Variants in SGCZ observed in about 807,000 individuals in gnomAD.
The protein encoded by SGCZ is zeta-sarcoglycan.
SGCZ carries 40 observed loss-of-function variants against 41.3 expected under a neutral mutation model. That is an observed-to-expected ratio of 0.97 (90% CI 0.75 to 1.26). SGCZ has a LOEUF of 1.26. Ranked by LOEUF, SGCZ falls within the 50% of genes most tolerant of loss-of-function variation. The probability of loss-of-function intolerance (pLI) is 0.00; values close to 1 mark genes in which losing one functional copy is unlikely to be tolerated. For synonymous variants in SGCZ, 206 were observed against 137.5 expected, an observed-to-expected ratio of 1.50 and a Z score of -3.49; for missense variants, 552 against 369.8, an observed-to-expected ratio of 1.49 and a Z score of -4.04.
At chr8:14,606,019 G>A (rs182826809) in intron 1 of SGCZ, among the ~76,000 whole-genome samples, 3 of 151,852 alleles carry the variant, frequency 2.0e-5, no homozygotes, top group Admixed American at 2.0e-4. Flanking sequence ...CTTTCTCTAT[G>A]TAAGCACCAT....
intron 1 of SGCZ, among the ~76,000 whole-genome samples, chr8:14,695,073 A>G (rs1333705751): frequency 6.6e-6 from 1 of 152,200 alleles, no homozygotes; most frequent in Non-Finnish European, 1.5e-5. Context: ...CCTGAAAAGC[A>G]AAGTGACTAA....
intron 2 of SGCZ, among the ~76,000 whole-genome samples, chr8:14,463,915 T>G (rs982657285): frequency 1.4e-5 from 2 of 144,176 alleles, no homozygotes; most frequent in Non-Finnish European, 3.0e-5. Flanking sequence ...TTAGGTGGTG[T>G]GTTACCTTGA....
At chr8:14,204,684 G>A (rs1296691298) in intron 4 of SGCZ, among the ~76,000 whole-genome samples, 4 of 152,058 alleles carry the variant, frequency 2.6e-5, no homozygotes, top group East Asian at 1.9e-4. Context: ...AGCGGCGCTG[G>A]GTAGAACAAA....
intron 2 of SGCZ, among the ~76,000 whole-genome samples, chr8:14,446,708 G>A (rs1404200319): frequency 6.6e-6 from 1 of 152,114 alleles, no homozygotes; most frequent in Non-Finnish European, 1.5e-5. Context: ...GAAGATAAAA[G>A]CTCACCTTTC....
chr8:14,796,552 G>T (rs538505192), intron 1 of SGCZ, among the ~76,000 whole-genome samples: 4 of 151,832 alleles, frequency 2.6e-5, no homozygotes, highest in Non-Finnish European at 5.9e-5. Context: ...TAAATATTGT[G>T]TGTCTTATGA....
intron 3 of SGCZ, chr8:14,309,197 C>T: frequency 1.3e-6 from 2 of 1,484,764 alleles, no homozygotes; most frequent in Non-Finnish European, 1.9e-6. Flanking sequence ...AGCAAACCTG[C>T]TGCGGCTGAT....
intron 1 of SGCZ, among the ~76,000 whole-genome samples, chr8:15,108,825 A>G (rs1346283689): frequency 6.6e-6 from 1 of 152,164 alleles, no homozygotes; most frequent in Non-Finnish European, 1.5e-5. Flanking sequence ...TAAATACTTA[A>G]TGGAATATAT....
intron 2 of SGCZ, among the ~76,000 whole-genome samples, chr8:14,380,669 T>C (rs115480132): frequency 0.014 from 2,135 of 152,212 alleles, 48 homozygotes; most frequent in African/African-American, 0.047. Flanking sequence ...CTGGCCAACA[T>C]GGTGAATCCC....
At chr8:15,125,279 T>C (rs1807638637) in intron 1 of SGCZ, among the ~76,000 whole-genome samples, 1 of 152,216 alleles carries the variant, frequency 6.6e-6, no homozygotes, top group African/African-American at 2.4e-5. Context: ...TCTCAAAGCA[T>C]TGATTTCTCT....
chr8:14,946,004 CCATATATATATATATATA>C (rs1180524366), intron 1 of SGCZ, among the ~76,000 whole-genome samples: 2 of 45,760 alleles, frequency 4.4e-5, no homozygotes, highest in African/African-American at 1.8e-4. Flanking sequence ...CTAAATGTCC[CCATATATATATATATATA>C]TATATATATA....
At chr8:14,884,020 G>A (rs1283449791) in intron 1 of SGCZ, among the ~76,000 whole-genome samples, 3 of 151,988 alleles carry the variant, frequency 2.0e-5, no homozygotes, top group Admixed American at 6.6e-5. Flanking sequence ...TTGTAATGGA[G>A]CCAACCATTT....
intron 1 of SGCZ, among the ~76,000 whole-genome samples, chr8:15,010,104 G>C (rs1802773433): frequency 6.6e-6 from 1 of 152,006 alleles, no homozygotes; most frequent in African/African-American, 2.4e-5. Flanking sequence ...CCTAGCAACA[G>C]GAATAATGTT....
intron 1 of SGCZ, among the ~76,000 whole-genome samples, chr8:15,203,124 C>A (rs554134665): frequency 1.8e-4 from 27 of 150,120 alleles, no homozygotes; most frequent in South Asian, 4.2e-4. Flanking sequence ...AACAAACAAA[C>A]AAAAAAAAAC....
chr8:14,953,839 G>C lies in SGCZ; in HGVS notation c.39+283746C>G, dbSNP rs561609679. Among the ~76,000 whole-genome samples the C allele has an allele frequency of 5.3e-5, 8 of 152,304 alleles. No individual in the cohort carries two copies. In the South Asian group the frequency reaches 1.0e-3, roughly 20 times the overall value. ...TACACTATTATGATTACTTCAGAGA[G>C]TTCAGTTCTATAATTCTTGTAAACA... On this transcript the variant is annotated intron_variant, in intron 1 of 7. Coordinates refer to ENST00000382080, the MANE Select transcript of SGCZ (RefSeq NM_139167.4).
At chr8:15,002,557 C>T (rs903555160) in intron 1 of SGCZ, among the ~76,000 whole-genome samples, 4 of 151,750 alleles carry the variant, frequency 2.6e-5, no homozygotes, top group Admixed American at 1.3e-4. Context: ...GTAGGTAGCA[C>T]GAAACACAAT....
In SGCZ at chr8:14,764,972, T is replaced by C. The variant is rs369626845; in HGVS notation, c.40-210046A>G. Among the ~76,000 whole-genome samples, 8 of 152,326 alleles carry C rather than the reference T, an allele frequency of 5.3e-5. No individual in the cohort carries two copies. The East Asian group carries it at 7.7e-4, about 15-fold the overall frequency. The stretch of plus-strand genomic sequence containing the variant: ...AACTGGTAAAGGGTGACTGTTGTAC[T>C]ATTCTTTTAACTTTCGTAGAGCTTT... On this transcript the variant is annotated intron_variant, in intron 1 of 7. Transcript: ENST00000382080.
intron 4 of SGCZ, among the ~76,000 whole-genome samples, chr8:14,214,984 G>C (rs995617197): frequency 6.6e-6 from 1 of 152,086 alleles, no homozygotes; most frequent in Non-Finnish European, 1.5e-5. Context: ...TAGCAAGACA[G>C]AGAAATACTG....
At chr8:14,249,101 T>C (rs1799200720) in intron 3 of SGCZ, among the ~76,000 whole-genome samples, 1 of 152,156 alleles carries the variant, frequency 6.6e-6, no homozygotes, top group Non-Finnish European at 1.5e-5. Context: ...CTCAATGAGA[T>C]GAACATTTGA....
chr8:15,088,913 A>G (rs765154910), intron 1 of SGCZ, among the ~76,000 whole-genome samples: 2 of 152,180 alleles, frequency 1.3e-5, no homozygotes, highest in Non-Finnish European at 2.9e-5. Context: ...AAGAGCCAGT[A>G]TTTTAAATTT....
Sources: gnomAD v4.1 joint callset for allele counts (sites outside exome capture counted in the v4.1 genomes callset) on GRCh38, gnomAD v4.1.1 for gene constraint, MANE v1.5 for transcripts, NCBI Gene and HGNC (gene_info 2026-07-23, HGNC 2026-07-21) for gene names.